The following DHX9 variants were observed in gnomAD, a reference collection of about 807,000 sequenced individuals.
DHX9 encodes the protein ATP-dependent RNA helicase A.
DHX9 carries 27 observed loss-of-function variants against 148.7 expected under a neutral mutation model. The ratio of observed to expected loss-of-function variants is 0.18; its 90% confidence interval spans 0.13 to 0.25. The LOEUF is 0.25. DHX9 is among the 10% of genes least tolerant of loss of function. DHX9 has a pLI of 1.00. For synonymous variants in DHX9, 529 were observed against 516.6 expected (o/e 1.02, Z -0.33); for missense variants, 796 against 1,559.6 (o/e 0.51, Z 8.25).
intron 20 of DHX9, among the ~76,000 whole-genome samples, 174 bp from the exon 21 acceptor site, chr1:182,879,076 G>C (rs1471571795): frequency 2.6e-5 from 4 of 152,232 alleles, no homozygotes; most frequent in Admixed American, 1.3e-4. Flanking sequence ...TATGCAACCA[G>C]ATTAAATTTT....
At chr1:182,858,497 C>A in intron 8 of DHX9, 54 bp from the exon 9 acceptor site, 1 of 1,448,712 alleles carries the variant, frequency 6.9e-7, no homozygotes, top group Non-Finnish European at 9.5e-7. Context: ...ATAGTCTTAG[C>A]CCCATTATAG....
chr1:182,878,260 A>G, intron 20 of DHX9, 87 bp downstream of exon 20: 5 of 1,448,110 alleles, frequency 3.5e-6, no homozygotes, highest in African/African-American at 1.4e-5. Flanking sequence ...ACCTGCCAAT[A>G]TAAGCTGATC....
chr1:182,845,599 AC>A (rs1246137337), intron 3 of DHX9, among the ~76,000 whole-genome samples: 7 of 152,176 alleles, frequency 4.6e-5, no homozygotes, highest in Non-Finnish European at 1.0e-4. Context: ...CTCTGACACT[AC>A]CTGGAGATAG....
chr1:182,879,813 C>G (rs1290056435), intron 21 of DHX9, among the ~76,000 whole-genome samples: 1 of 152,092 alleles, frequency 6.6e-6, no homozygotes, highest in Non-Finnish European at 1.5e-5. Context: ...GCAACCCCCA[C>G]CTCCCAGGTT....
chr1:182,880,096 A>C (rs1287180306), intron 21 of DHX9, among the ~76,000 whole-genome samples: 1 of 152,120 alleles, frequency 6.6e-6, no homozygotes, highest in African/African-American at 2.4e-5. Flanking sequence ...GCTAGATCTG[A>C]ATTTGAATTT....
intron 14 of DHX9, among the ~76,000 whole-genome samples, chr1:182,871,182 C>T (rs1173324738): frequency 6.6e-6 from 1 of 152,132 alleles, no homozygotes; most frequent in African/African-American, 2.4e-5. Context: ...TAAGCAACTT[C>T]TACAAATCAG....
At chr1:182,885,065 G>A (rs4275414) in intron 27 of DHX9, among the ~76,000 whole-genome samples, 35,583 of 152,084 alleles carry the variant, frequency 0.23, 7,321 homozygotes, top group African/African-American at 0.56. Context: ...ACTTACAAAT[G>A]CACATACATA....
intron 12 of DHX9, among the ~76,000 whole-genome samples, chr1:182,866,077 G>A (rs746497622): frequency 6.6e-6 from 1 of 152,180 alleles, no homozygotes; most frequent in Non-Finnish European, 1.5e-5. Context: ...GAAGGCAGTT[G>A]TTCACCTTCC....
intron 1 of DHX9, among the ~76,000 whole-genome samples, chr1:182,841,290 CA>C (rs111535009): frequency 4.1e-4 from 57 of 139,056 alleles, no homozygotes; most frequent in Admixed American, 4.3e-4. Flanking sequence ...GACTCCGTCT[CA>C]AAAAAAAAAA....
rs117649247 is a variant in DHX9 at position 182,871,897 on chromosome 1, C to G, written c.1558-440C>G. ...GCTCGGCTCACTGCAGCCTCTCCTT[C>G]CTGGGTTCAAGTGATTATCCTGCCT... On this transcript the variant is annotated intron_variant, in intron 14 of 27. Coordinates refer to ENST00000367549, the MANE Select transcript of DHX9 (RefSeq NM_001357.5). 3.3e-3 allele frequency among the ~76,000 whole-genome samples: 502 copies of G among 152,260 alleles called. 17 individuals are homozygous for G. In the East Asian group the frequency reaches 0.075, roughly 23 times the overall value.
chr1:182,843,737 ATAATACTT>A (rs1036696674), intron 3 of DHX9, among the ~76,000 whole-genome samples: 20 of 152,182 alleles, frequency 1.3e-4, no homozygotes, highest in African/African-American at 4.6e-4. Flanking sequence ...ATTACCAATG[ATAATACTT>A]TAAATAAAAT....
At chr1:182,884,216 A>G (rs764999723) in intron 26 of DHX9, among the ~76,000 whole-genome samples, 3 of 152,238 alleles carry the variant, frequency 2.0e-5, no homozygotes, top group East Asian at 1.9e-4. Flanking sequence ...GGAGGTTGCA[A>G]TGAGCTATCA....
rs116693627 is a variant in DHX9, at chr1:182,886,953, A to G, written c.3462-130A>G. 4,775 of 796,156 alleles carry G rather than the reference A, an allele frequency of 6.0e-3. 99 individuals are homozygous for G. Among genetic ancestry groups the G allele is most frequent in the African/African-American group, 0.056 (3,228 of 57,394 alleles). 49.3% of individuals were successfully genotyped at this position (796,156 alleles called of 1,614,324 possible). A position where few individuals can be genotyped will look rare whatever the true frequency, so the allele number is the denominator to read the frequency against. On this transcript the variant is annotated intron_variant, in intron 27 of 27. Coordinates refer to ENST00000367549, the MANE Select transcript of DHX9 (RefSeq NM_001357.5). The stretch of plus-strand genomic sequence containing the variant: ...AGAATAGCAGATCAATTTTATTTCA[A>G]TTTCTATTTGTGCATTTGGCTTCAT...
intron 12 of DHX9, among the ~76,000 whole-genome samples, chr1:182,863,792 G>T (rs182076091): frequency 1.1e-4 from 15 of 134,378 alleles, no homozygotes; most frequent in African/African-American, 5.3e-4. Flanking sequence ...AGAATTAGAA[G>T]ATTTTTTTTT....
intron 7 of DHX9, among the ~76,000 whole-genome samples, chr1:182,857,758 G>A (rs540221737): frequency 6.6e-6 from 1 of 152,228 alleles, no homozygotes; most frequent in East Asian, 1.9e-4. Context: ...ACTTTTACTG[G>A]TTTATTTTTT....
chr1:182,857,040 G>A (rs1452330399), intron 7 of DHX9, among the ~76,000 whole-genome samples: 2 of 152,104 alleles, frequency 1.3e-5, no homozygotes, highest in South Asian at 2.1e-4. Context: ...TAGTGGAGAC[G>A]GGGTTTCACC....
rs112144559 is a variant in DHX9, at chr1:182,872,627, C to T, written c.1714+134C>T. On this transcript the variant is annotated intron_variant, in intron 15 of 27. Coordinates refer to ENST00000367549, the MANE Select transcript of DHX9 (RefSeq NM_001357.5). The stretch of plus-strand genomic sequence containing the variant: ...AATTATAGTATCAAATGTATCATAG[C>T]ATTTTTGAGGAGTTTCTCTTCTGTT... 3.0e-4 allele frequency: 306 copies of T among 1,006,992 alleles called. 1 individual carries two copies. In the African/African-American group the frequency reaches 4.2e-3, roughly 14 times the overall value. 62.4% of individuals were successfully genotyped at this position (1,006,992 alleles called of 1,614,324 possible). A position where few individuals can be genotyped will look rare whatever the true frequency, so the allele number is the denominator to read the frequency against.
intron 6 of DHX9, chr1:182,855,736 A>T: frequency 1.0e-6 from 1 of 985,434 alleles, no homozygotes; most frequent in Non-Finnish European, 1.2e-6. Flanking sequence ...GAGGTATAGG[A>T]AGGAGTCTAA....
At chr1:182,845,432 A>AAG (rs994622107) in intron 3 of DHX9, among the ~76,000 whole-genome samples, 1 of 151,908 alleles carries the variant, frequency 6.6e-6, no homozygotes, top group African/African-American at 2.4e-5. Flanking sequence ...GTAAGTGGAA[A>AAG]AAAAAAAAAA....
Sources: allele counts gnomAD v4.1 joint callset (sites outside exome capture counted in the v4.1 genomes callset), GRCh38; gene constraint gnomAD v4.1.1; transcripts MANE v1.5; gene names NCBI Gene and HGNC (gene_info 2026-07-23, HGNC 2026-07-21).